The following ZBTB20 variants were observed in gnomAD, a reference collection of about 807,000 sequenced individuals.
ZBTB20 encodes the protein zinc finger and BTB domain-containing protein 20.
Under a neutral mutation model 56.9 loss-of-function variants are expected in ZBTB20, and 9 were observed. The observed-to-expected ratio is 0.16, with a 90% CI of 0.10 to 0.28. The LOEUF (loss-of-function observed/expected upper bound fraction) is 0.28, where lower values mean the gene tolerates loss of function less well. Among genes scored for constraint, ZBTB20 ranks in the 10% least tolerant of loss-of-function variants. The probability of loss-of-function intolerance (pLI) is 1.00; values close to 1 mark genes in which losing one functional copy is unlikely to be tolerated. For missense variants in ZBTB20, 655 were observed against 1,003.0 expected, an observed-to-expected ratio of 0.65 and a Z score of 4.69; for synonymous variants, 417 against 420.7, an observed-to-expected ratio of 0.99 and a Z score of 0.11.
At chr3:114,440,636 A>G (rs2090851885) in intron 7 of ZBTB20, among the ~76,000 whole-genome samples, 1 of 152,158 alleles carries the variant, frequency 6.6e-6, no homozygotes, top group Admixed American at 6.5e-5. Flanking sequence ...GCTTATTTCT[A>G]AAAGGTTTTA....
intron 4 of ZBTB20, among the ~76,000 whole-genome samples, chr3:114,845,836 CA>C (rs1179839835): frequency 2.6e-5 from 4 of 152,048 alleles, no homozygotes; most frequent in Non-Finnish European, 5.9e-5. Flanking sequence ...CTAAATTGGG[CA>C]GTGATTTTTT....
chr3:114,399,117 T>C (rs2086591245), intron 7 of ZBTB20, among the ~76,000 whole-genome samples: 1 of 152,138 alleles, frequency 6.6e-6, no homozygotes, highest in African/African-American at 2.4e-5. Context: ...TAACAGTGAA[T>C]TTTTAGTGGG....
intron 7 of ZBTB20, among the ~76,000 whole-genome samples, chr3:114,441,398 A>T (rs1218706810): frequency 6.6e-6 from 1 of 152,184 alleles, no homozygotes; most frequent in Non-Finnish European, 1.5e-5. Flanking sequence ...CTGCAGCATG[A>T]AAGCACTTGA....
intron 6 of ZBTB20, among the ~76,000 whole-genome samples, chr3:114,590,444 C>T (rs1380009263): frequency 1.3e-5 from 2 of 150,852 alleles, no homozygotes; most frequent in African/African-American, 4.9e-5. Context: ...GGGCGAAAGA[C>T]TGAGACTCCG....
intron 6 of ZBTB20, among the ~76,000 whole-genome samples, chr3:114,626,373 T>TATTG (rs2058660105): frequency 1.3e-5 from 2 of 152,224 alleles, no homozygotes; most frequent in Non-Finnish European, 2.9e-5. Flanking sequence ...ACTGAATCAA[T>TATTG]GTTCATTAAC....
In ZBTB20 at chr3:114,862,465, T is replaced by G. The variant is rs191785618; in HGVS notation, c.-417+37839A>C. ...TTTTGTTTTGGGATATGAAGTCACCTGATAGCTCAGTTCAAAACTCGAATA... is the reference window on the plus strand; with the variant it reads ...TTTTGTTTTGGGATATGAAGTCACCGGATAGCTCAGTTCAAAACTCGAATA... On this transcript the variant is annotated intron_variant, in intron 4 of 11. Coordinates refer to ENST00000675478, the MANE Select transcript of ZBTB20 (RefSeq NM_001348800.3). Among the ~76,000 whole-genome samples the G allele has an allele frequency of 9.8e-4, 149 of 152,268 alleles. 1 individual carries two copies. The highest frequency in any genetic ancestry group is 3.5e-3 in the African/African-American group (145 of 41,566).
At chr3:114,917,314 T>A (rs1299097591) in intron 3 of ZBTB20, among the ~76,000 whole-genome samples, 1 of 152,186 alleles carries the variant, frequency 6.6e-6, no homozygotes, top group Non-Finnish European at 1.5e-5. Context: ...CCTCAATAAT[T>A]CTGTCTAAAA....
intron 2 of ZBTB20, among the ~76,000 whole-genome samples, chr3:115,057,153 G>T (rs2081828359): frequency 6.6e-6 from 1 of 152,068 alleles, no homozygotes; most frequent in South Asian, 2.1e-4. Flanking sequence ...TATTGCAACT[G>T]TCATTGCAAT....
At chr3:114,428,243 G>T (rs765194279) in intron 7 of ZBTB20, among the ~76,000 whole-genome samples, 1 of 152,038 alleles carries the variant, frequency 6.6e-6, no homozygotes, top group Non-Finnish European at 1.5e-5. Context: ...TAAAAACCAC[G>T]TTCACAATGG....
At chr3:114,826,064 T>A (rs1043757434) in intron 4 of ZBTB20, among the ~76,000 whole-genome samples, 1 of 151,754 alleles carries the variant, frequency 6.6e-6, no homozygotes, top group Non-Finnish European at 1.5e-5. Context: ...CAAAATTCTG[T>A]AATTTTGCCT....
chr3:115,123,028 A>G (rs1165817737), intron 1 of ZBTB20, among the ~76,000 whole-genome samples: 1 of 152,124 alleles, frequency 6.6e-6, no homozygotes, highest in African/African-American at 2.4e-5. Flanking sequence ...AGGTCTAATT[A>G]TTGCTCTTTT....
intron 6 of ZBTB20, among the ~76,000 whole-genome samples, chr3:114,561,032 C>T (rs1388740468): frequency 1.3e-5 from 2 of 152,174 alleles, no homozygotes; most frequent in Non-Finnish European, 2.9e-5. Flanking sequence ...GGAGTAGATT[C>T]CATCTCAAGA....
intron 1 of ZBTB20, among the ~76,000 whole-genome samples, chr3:115,107,985 G>C (rs1427804044): frequency 6.6e-6 from 1 of 152,088 alleles, no homozygotes; most frequent in Non-Finnish European, 1.5e-5. Context: ...AGGGCCTGTC[G>C]GCGGGTGGGG....
At chr3:114,563,125 T>A (rs1260632142) in intron 6 of ZBTB20, among the ~76,000 whole-genome samples, 1 of 152,184 alleles carries the variant, frequency 6.6e-6, no homozygotes, top group Non-Finnish European at 1.5e-5. Context: ...TAAAGTAAAG[T>A]GCAATAGAAA....
chr3:114,705,846 T>TA (rs1379026492), intron 5 of ZBTB20, among the ~76,000 whole-genome samples: 1 of 152,206 alleles, frequency 6.6e-6, no homozygotes, highest in Non-Finnish European at 1.5e-5. Context: ...ACTGCATCCA[T>TA]AAGCCAAAGA....
chr3:115,008,936 G>T (rs369881166), intron 2 of ZBTB20, among the ~76,000 whole-genome samples: 1 of 151,822 alleles, frequency 6.6e-6, no homozygotes, highest in African/African-American at 2.4e-5. Flanking sequence ...TTTCCTATAT[G>T]CTCACAAACC....
At chr3:114,433,942 G>C (rs2090320460) in intron 7 of ZBTB20, among the ~76,000 whole-genome samples, 1 of 152,140 alleles carries the variant, frequency 6.6e-6, no homozygotes, top group Non-Finnish European at 1.5e-5. Context: ...GGCTGTGAGG[G>C]GAGGGATGTG....
At chr3:114,657,338 T>C (rs2060471361) in intron 6 of ZBTB20, among the ~76,000 whole-genome samples, 1 of 152,254 alleles carries the variant, frequency 6.6e-6, no homozygotes, top group Non-Finnish European at 1.5e-5. Context: ...CCTTCTGGGA[T>C]TCATAAAGCC....
intron 7 of ZBTB20, among the ~76,000 whole-genome samples, chr3:114,405,109 A>G (rs2087186799): frequency 6.6e-6 from 1 of 152,146 alleles, no homozygotes; most frequent in Non-Finnish European, 1.5e-5. Flanking sequence ...TCCTAGCTTT[A>G]AGAACAAGCC....
Sources: allele counts gnomAD v4.1 joint callset (sites outside exome capture counted in the v4.1 genomes callset), GRCh38; gene constraint gnomAD v4.1.1; transcripts MANE v1.5; gene names NCBI Gene and HGNC (gene_info 2026-07-23, HGNC 2026-07-21).